The following PCDHA2 variants were observed in gnomAD, a reference collection of about 807,000 sequenced individuals.
PCDHA2 encodes protocadherin alpha-2.
Under a neutral mutation model 66.0 loss-of-function variants are expected in PCDHA2, and 58 were observed. The observed-to-expected ratio is 0.88, with a 90% CI of 0.71 to 1.09. The LOEUF is 1.09. Among genes scored for constraint, PCDHA2 ranks in the 50% least tolerant of loss-of-function variants. The pLI is 0.00. For missense variants in PCDHA2, 1,267 were observed against 1,242.3 expected, an observed-to-expected ratio of 1.02 and a Z score of -0.30; for synonymous variants, 634 against 554.0, an observed-to-expected ratio of 1.14 and a Z score of -2.03.
chr5:140,892,218 T>C (rs182162644), intron 1 of PCDHA2, among the ~76,000 whole-genome samples: 23 of 152,308 alleles, frequency 1.5e-4, no homozygotes, highest in Admixed American at 1.4e-3. Context: ...ATTGTATCTT[T>C]ATGGTGTTTT....
chr5:140,928,989 A>C (rs1554206541), intron 1 of PCDHA2: 2 of 1,613,706 alleles, frequency 1.2e-6, no homozygotes, highest in Non-Finnish European at 1.7e-6. Flanking sequence ...TGGGGTGCTT[A>C]CTTTTCTTCG....
At position 140,858,448 on chromosome 5, in the gene PCDHA2, C is replaced by G. The variant is rs1554151646; in HGVS notation, c.2388+61096C>G. The G allele has an allele frequency of 1.3e-6, 2 of 1,532,196 alleles. 1 individual carries two copies. The highest frequency in any genetic ancestry group is 2.8e-5 in the African/African-American group (2 of 72,594). 94.9% of individuals were successfully genotyped at this position (1,532,196 alleles called of 1,614,324 possible). ...ACCACTCTAGGAAGGTGGGTTATTA[C>G]GTTTTCATTTTCCTTTTGTGCTTTA... On this transcript the variant is annotated intron_variant, in intron 1 of 3. Transcript: ENST00000526136.
intron 1 of PCDHA2, chr5:140,883,650 C>A: frequency 6.2e-7 from 1 of 1,613,572 alleles, no homozygotes; most frequent in East Asian, 2.2e-5. Flanking sequence ...CCCGAGTACA[C>A]GGTGTTCGTG....
chr5:140,994,558 A>G (rs1414971844), intron 3 of PCDHA2, among the ~76,000 whole-genome samples: 4 of 151,948 alleles, frequency 2.6e-5, no homozygotes, highest in Non-Finnish European at 5.9e-5. Context: ...TATAAAAATT[A>G]GCCGGGTGTG....
intron 1 of PCDHA2, among the ~76,000 whole-genome samples, chr5:140,839,341 G>T (rs1301082708): frequency 6.6e-6 from 1 of 150,686 alleles, no homozygotes; most frequent in African/African-American, 2.5e-5. Context: ...AGTTGATAGG[G>T]GATCCTCCTT....
intron 1 of PCDHA2, chr5:140,848,444 C>A: frequency 6.7e-7 from 1 of 1,498,894 alleles, no homozygotes; most frequent in Non-Finnish European, 9.1e-7. Flanking sequence ...CAGATGATTT[C>A]TTCTAATTTG....
intron 1 of PCDHA2, chr5:140,829,525 T>G (rs2150169385): frequency 6.2e-7 from 1 of 1,613,356 alleles, no homozygotes; most frequent in East Asian, 2.2e-5. Context: ...TCACGGTGTC[T>G]GCGCGAGACG....
intron 2 of PCDHA2, among the ~76,000 whole-genome samples, chr5:140,981,892 G>A (rs1245605619): frequency 2.0e-5 from 3 of 152,122 alleles, no homozygotes; most frequent in Non-Finnish European, 2.9e-5. Flanking sequence ...TCTTCTGAGC[G>A]GGGATCTGTG....
chr5:140,886,565 C>T (rs1298575680), intron 1 of PCDHA2, among the ~76,000 whole-genome samples: 1 of 152,100 alleles, frequency 6.6e-6, no homozygotes, highest in Admixed American at 6.5e-5. Flanking sequence ...CGGTGGCTCA[C>T]GCCTGTAATC....
At chr5:140,823,631 T>G in intron 1 of PCDHA2, 2 of 1,614,056 alleles carry the variant, frequency 1.2e-6, no homozygotes, top group Non-Finnish European at 1.7e-6. Context: ...AGTGCGCGCA[T>G]CCCGTTCCGC....
chr5:140,809,147 C>T (rs1554125027), intron 1 of PCDHA2: 4 of 1,613,916 alleles, frequency 2.5e-6, no homozygotes, highest in Non-Finnish European at 2.5e-6. Flanking sequence ...GGTGAAGGAC[C>T]ACGGCGAGCC....
intron 1 of PCDHA2, chr5:140,824,015 G>A (rs2150131495): frequency 5.0e-6 from 8 of 1,614,014 alleles, no homozygotes; most frequent in Non-Finnish European, 6.8e-6. Flanking sequence ...GTGGGGAGCT[G>A]GTCGTACTCG....
At chr5:140,859,726 A>G (rs929910976) in intron 1 of PCDHA2, 1 of 154,384 alleles carries the variant, frequency 6.5e-6, no homozygotes, top group Admixed American at 6.4e-5. Context: ...AAATTGTGGC[A>G]AGAATTTAAG....
intron 1 of PCDHA2, among the ~76,000 whole-genome samples, chr5:140,885,515 A>G (rs537252415): frequency 6.6e-6 from 1 of 152,294 alleles, no homozygotes; most frequent in South Asian, 2.1e-4. Context: ...ATGCTGTGCT[A>G]TCATTTCATA....
chr5:140,982,507 G>T lies in PCDHA2; in HGVS notation c.2480G>T (p.Arg827Leu). Reference sequence around the variant, plus strand: ...CACCTAGAGGAGGCTGGCATTCTACGGGCTGGTCCAGGAGGGCCTGATCAG... The same window carrying T: ...CACCTAGAGGAGGCTGGCATTCTACTGGCTGGTCCAGGAGGGCCTGATCAG... The part of the protein sequence containing the change: ...SVHLEEAGIL[R>L]AGPGGPDQQW... The change falls in exon 3 of 4, where the codon CGG becomes CTG. Residue 827 changes from arginine to leucine, a missense_variant. Physicochemically the swap from Arg to Leu is moderately radical, Grantham distance 102. Coordinates refer to ENST00000526136, the MANE Select transcript of PCDHA2 (RefSeq NM_018905.3). 6.2e-7 allele frequency: 1 copy of T among 1,614,138 alleles called. No homozygotes were observed. Among genetic ancestry groups the T allele is most frequent in the Non-Finnish European group, 8.5e-7 (1 of 1,180,018 alleles).
chr5:140,882,054 C>T, intron 1 of PCDHA2: 1 of 781,668 alleles, frequency 1.3e-6, no homozygotes. Context: ...CATACTTACA[C>T]TTACACGTTC....
chr5:140,870,623 T>C, intron 1 of PCDHA2: 1 of 1,613,108 alleles, frequency 6.2e-7, no homozygotes. Context: ...TCGAGCTACG[T>C]GTCGGTGCAC....
chr5:140,823,403 C>T (rs2150125598), intron 1 of PCDHA2: 1 of 1,613,188 alleles, frequency 6.2e-7, no homozygotes. Flanking sequence ...GGCGTGCCGC[C>T]TCTGGGCAGC....
At chr5:140,850,816 C>T (rs2150499386) in intron 1 of PCDHA2, 3 of 1,598,298 alleles carry the variant, frequency 1.9e-6, no homozygotes, top group Admixed American at 1.7e-5. Flanking sequence ...GCCTTCAGCC[C>T]GGGCCTTTCT....
Sources: gnomAD v4.1 joint callset for allele counts (sites outside exome capture counted in the v4.1 genomes callset) on GRCh38, gnomAD v4.1.1 for gene constraint, MANE v1.5 for transcripts, NCBI Gene and HGNC (gene_info 2026-07-23, HGNC 2026-07-21) for gene names.